Variants in PTPRZ1 observed in about 807,000 individuals in gnomAD.
The protein encoded by PTPRZ1 is receptor-type tyrosine-protein phosphatase zeta.
Under a neutral mutation model 214.1 loss-of-function variants are expected in PTPRZ1, and 82 were observed. That is an observed-to-expected ratio of 0.38 (90% CI 0.32 to 0.46). The LOEUF (loss-of-function observed/expected upper bound fraction) is 0.46, where lower values mean the gene tolerates loss of function less well. Among genes scored for constraint, PTPRZ1 ranks in the 20% least tolerant of loss-of-function variants. The pLI is 1.00. For missense variants in PTPRZ1, 2,603 were observed against 2,748.7 expected, an observed-to-expected ratio of 0.95 and a Z score of 1.19; for synonymous variants, 945 against 987.9, an observed-to-expected ratio of 0.96 and a Z score of 0.81.
At chr7:121,885,810 A>G (rs1009788601) in intron 1 of PTPRZ1, among the ~76,000 whole-genome samples, 7 of 152,174 alleles carry the variant, frequency 4.6e-5, no homozygotes, top group African/African-American at 1.4e-4. Flanking sequence ...GCATCTGTCA[A>G]TTTGGAGAGG....
At chr7:122,023,019 C>T (rs1799064925) in intron 13 of PTPRZ1, among the ~76,000 whole-genome samples, 1 of 152,066 alleles carries the variant, frequency 6.6e-6, no homozygotes, top group African/African-American at 2.4e-5. Context: ...TATTCACATA[C>T]AAAAAGTCAA....
intron 12 of PTPRZ1, among the ~76,000 whole-genome samples, chr7:122,018,766 G>A (rs184320421): frequency 3.4e-4 from 52 of 152,000 alleles, no homozygotes; most frequent in African/African-American, 9.9e-4. Context: ...AGTAAGTAGC[G>A]CTGTTTTTCC....
At chr7:121,959,402 A>T (rs1796810269) in intron 2 of PTPRZ1, among the ~76,000 whole-genome samples, 1 of 152,212 alleles carries the variant, frequency 6.6e-6, no homozygotes, top group South Asian at 2.1e-4. Context: ...AACGTTGGGC[A>T]ACTGCTTTGC....
At chr7:121,939,478 C>T (rs1471958849) in intron 2 of PTPRZ1, among the ~76,000 whole-genome samples, 2 of 152,122 alleles carry the variant, frequency 1.3e-5, no homozygotes, top group African/African-American at 2.4e-5. Flanking sequence ...AAATAAATGA[C>T]ATGTAGTTTT....
At chr7:121,877,381 C>A (rs60930011) in intron 1 of PTPRZ1, among the ~76,000 whole-genome samples, 15,806 of 152,144 alleles carry the variant, frequency 0.1, 2,316 homozygotes, top group African/African-American at 0.33. Context: ...TGGTACATTT[C>A]ACAGTCCCAT....
Position 122,010,800 on chromosome 7 carries a change from A to T in PTPRZ1, c.1754A>T (p.Asp585Val). The change falls in exon 12 of 30, where the codon GAT becomes GTT. Residue 585 changes from aspartate to valine, a missense_variant. By Grantham distance (152) the Asp-to-Val change is radical (BLOSUM62 -3). This residue lies in a region of PTPRZ1 where 1,913 missense variants were observed against 1,914.3 expected (regional missense o/e 1.00). Coordinates refer to ENST00000393386, the MANE Select transcript of PTPRZ1 (RefSeq NM_002851.3). Reference protein sequence around the residue: ...TSFKLDTGAEDSSGSSPATSA... With the variant: ...TSFKLDTGAEVSSGSSPATSA... ...TTCAAGCTTGATACTGGAGCTGAAG[A>T]TTCTTCAGGCTCCAGTCCCGCAACT... The T allele has an allele frequency of 6.2e-7, 1 of 1,614,066 alleles. No homozygotes were observed. The highest frequency in any genetic ancestry group is 1.1e-5 in the South Asian group (1 of 91,084).
intron 8 of PTPRZ1, among the ~76,000 whole-genome samples, chr7:121,994,468 G>A (rs1798075123): frequency 6.6e-6 from 1 of 151,494 alleles, no homozygotes; most frequent in South Asian, 2.1e-4. Context: ...CTAATTTTTT[G>A]TATTTTTAGT....
At chr7:122,056,873 G>A (rs548475545) in intron 27 of PTPRZ1, among the ~76,000 whole-genome samples, 9 of 151,666 alleles carry the variant, frequency 5.9e-5, no homozygotes, top group African/African-American at 1.4e-4. Context: ...CTTCACACGC[G>A]TGCTGCTTAC....
In PTPRZ1 at chr7:122,040,992, G is replaced by A; in HGVS notation, c.5801+13G>A. The A allele has an allele frequency of 6.6e-7, 1 of 1,520,686 alleles. No homozygotes were observed. Among genetic ancestry groups the A allele is most frequent in the Non-Finnish European group, 8.9e-7 (1 of 1,124,464 alleles). 94.2% of individuals were successfully genotyped at this position (1,520,686 alleles called of 1,614,324 possible). On this transcript the variant is annotated intron_variant, in intron 21 of 29. Transcript: ENST00000393386. ...TCGTCCACTGCAGGTGAGTCTCAGA[G>A]ATGTGCCTCTAAACCCATAGAATTG...
chr7:122,012,547 C>G lies in PTPRZ1; in HGVS notation c.3501C>G (p.Leu1167=), dbSNP rs1798706283. ...SSEMLSPSTQ[L]LFYETSASFS... ...AAATGTTATCTCCTTCAACTCAGCT[C>G]TTATTTTATGAGACCTCAGCTTCTT... The change falls in exon 12 of 30, where the codon CTC becomes CTG. Residue 1167 remains leucine (L), a synonymous_variant. Coordinates refer to ENST00000393386, the MANE Select transcript of PTPRZ1 (RefSeq NM_002851.3). The G allele has an allele frequency of 2.5e-6, 4 of 1,614,032 alleles. No individual in the cohort carries two copies. Among genetic ancestry groups the G allele is most frequent in the East Asian group, 4.5e-5 (2 of 44,894 alleles).
chr7:121,898,204 C>G (rs1794857973), intron 1 of PTPRZ1, among the ~76,000 whole-genome samples: 1 of 151,804 alleles, frequency 6.6e-6, no homozygotes, highest in African/African-American at 2.4e-5. Context: ...TAAGTTTCAT[C>G]CTACTCACTG....
At position 121,899,626 on chromosome 7, in the gene PTPRZ1, T is replaced by A. The variant is rs112622362; in HGVS notation, c.58+26069T>A. Among the ~76,000 whole-genome samples the A allele has an allele frequency of 5.4e-3, 815 of 152,280 alleles. 6 individuals carry two copies. The highest frequency in any genetic ancestry group is 0.018 in the African/African-American group (768 of 41,568). The stretch of plus-strand genomic sequence containing the variant: ...GAATTACAGCTGAGCACAGAGAAGA[T>A]GGGAACTTGGGACAGGTGAATACCC... On this transcript the variant is annotated intron_variant, in intron 1 of 29. Coordinates refer to ENST00000393386, the MANE Select transcript of PTPRZ1 (RefSeq NM_002851.3).
chr7:121,933,473 A>G (rs1795984324), intron 2 of PTPRZ1, among the ~76,000 whole-genome samples: 1 of 152,158 alleles, frequency 6.6e-6, no homozygotes, highest in Non-Finnish European at 1.5e-5. Flanking sequence ...AAACCTTAAC[A>G]CCTTTAAAAT....
At chr7:121,913,383 G>A (rs1795333396) in intron 1 of PTPRZ1, among the ~76,000 whole-genome samples, 1 of 152,128 alleles carries the variant, frequency 6.6e-6, no homozygotes, top group South Asian at 2.1e-4. Flanking sequence ...AAGGCACAAA[G>A]AACATTATCA....
chr7:121,957,529 C>T (rs1796745865), intron 2 of PTPRZ1, among the ~76,000 whole-genome samples: 1 of 152,142 alleles, frequency 6.6e-6, no homozygotes, highest in African/African-American at 2.4e-5. Flanking sequence ...TTTTATTCTT[C>T]ACTATTTCCT....
At chr7:122,015,076 G>T (rs1452237268) in intron 12 of PTPRZ1, among the ~76,000 whole-genome samples, 2 of 152,194 alleles carry the variant, frequency 1.3e-5, no homozygotes, top group Non-Finnish European at 2.9e-5. Flanking sequence ...ATTATGTGCA[G>T]TGTTTATAAT....
intron 2 of PTPRZ1, among the ~76,000 whole-genome samples, chr7:121,931,380 A>G (rs896317574): frequency 6.6e-6 from 1 of 152,158 alleles, no homozygotes; most frequent in African/African-American, 2.4e-5. Context: ...TCAATTTTCA[A>G]ACAGAGAACT....
rs1483145347 is a variant in PTPRZ1 at position 121,942,326 on chromosome 7, T to C, written c.124+14105T>C. ...GTGAGTCTCTATTGACATGAAAGAG[T>C]TCATTCTCTTTTGAAAGAAAAGTTC... On this transcript the variant is annotated intron_variant, in intron 2 of 29. Coordinates refer to ENST00000393386, the MANE Select transcript of PTPRZ1 (RefSeq NM_002851.3). Among the ~76,000 whole-genome samples the C allele has an allele frequency of 2.0e-5, 3 of 152,138 alleles. No homozygotes were observed. The East Asian group carries it at 5.8e-4, about 29-fold the overall frequency.
chr7:121,905,009 G>T (rs952473584), intron 1 of PTPRZ1, among the ~76,000 whole-genome samples: 2 of 152,158 alleles, frequency 1.3e-5, no homozygotes, highest in African/African-American at 4.8e-5. Flanking sequence ...TTTAGTTAAA[G>T]ATATTGTAAA....
Sources: gnomAD v4.1 joint callset for allele counts (sites outside exome capture counted in the v4.1 genomes callset) on GRCh38, gnomAD v4.1.1 for gene constraint, gnomAD v4.1.1 regional missense constraint, MANE v1.5 for transcripts, NCBI Gene and HGNC (gene_info 2026-07-23, HGNC 2026-07-21) for gene names.